Variants in CNTN5 observed in about 807,000 individuals in gnomAD.
CNTN5 encodes contactin-5.
CNTN5 carries 77 observed loss-of-function variants against 129.1 expected under a neutral mutation model. That is an observed-to-expected ratio of 0.60 (90% CI 0.50 to 0.72). The LOEUF (loss-of-function observed/expected upper bound fraction) is 0.72, where lower values mean the gene tolerates loss of function less well. Among genes scored for constraint, CNTN5 ranks in the 30% least tolerant of loss-of-function variants. The pLI is 0.00. For synonymous variants in CNTN5, 509 were observed against 465.6 expected (o/e 1.09, Z -1.20); for missense variants, 1,478 against 1,328.8 (o/e 1.11, Z -1.75).
At chr11:99,501,903 G>A (rs1358639939) in intron 2 of CNTN5, among the ~76,000 whole-genome samples, 2 of 152,128 alleles carry the variant, frequency 1.3e-5, no homozygotes, top group African/African-American at 2.4e-5. Context: ...TAGTGATTCT[G>A]TTATCTTCTT....
chr11:99,804,831 T>C (rs12292737), intron 3 of CNTN5, among the ~76,000 whole-genome samples: 5 of 149,994 alleles, frequency 3.3e-5, no homozygotes, highest in Admixed American at 6.7e-5. Context: ...CTATTTTATA[T>C]GTATATACAT....
chr11:99,488,541 A>G (rs905323611), intron 2 of CNTN5, among the ~76,000 whole-genome samples: 2 of 152,160 alleles, frequency 1.3e-5, no homozygotes, highest in African/African-American at 2.4e-5. Flanking sequence ...AACCACTAGT[A>G]TGGAGGCTAG....
At chr11:99,904,783 C>G (rs1282681248) in intron 6 of CNTN5, among the ~76,000 whole-genome samples, 2 of 152,178 alleles carry the variant, frequency 1.3e-5, no homozygotes, top group African/African-American at 4.8e-5. Context: ...TCCAATTTCT[C>G]CACATCCTCT....
intron 1 of CNTN5, among the ~76,000 whole-genome samples, chr11:99,113,402 T>C (rs1373324199): frequency 6.6e-6 from 1 of 151,898 alleles, no homozygotes; most frequent in Non-Finnish European, 1.5e-5. Flanking sequence ...CAGGTAATGA[T>C]GGAACGCAGT....
intron 2 of CNTN5, among the ~76,000 whole-genome samples, chr11:99,347,245 T>C (rs569776576): frequency 3.9e-5 from 6 of 152,322 alleles, no homozygotes; most frequent in South Asian, 4.1e-4. Flanking sequence ...TGGATAGTTG[T>C]GGATTCTAGG....
chr11:99,480,748 T>C (rs549655841), intron 2 of CNTN5, among the ~76,000 whole-genome samples: 1 of 152,238 alleles, frequency 6.6e-6, no homozygotes, highest in East Asian at 1.9e-4. Context: ...AACTAGCCCC[T>C]AGTGTCTATC....
At position 99,651,364 on chromosome 11, in the gene CNTN5, TA is replaced by T. The variant is rs530416632; in HGVS notation, c.55+95104del. ...AAAATATAAGCAGATGAGAAAAGGTTAAAAAAAAATTCTAAAGGAACAATAT... is the reference window on the plus strand; with the variant it reads ...AAAATATAAGCAGATGAGAAAAGGTTAAAAAAAATTCTAAAGGAACAATAT... On this transcript the variant is annotated intron_variant, in intron 3 of 24. Coordinates refer to ENST00000524871, the MANE Select transcript of CNTN5 (RefSeq NM_014361.4). Among the ~76,000 whole-genome samples, 26 of 151,108 alleles carry T rather than the reference TA, an allele frequency of 1.7e-4. 1 individual carries two copies. Among genetic ancestry groups the T allele is most frequent in the East Asian group, 9.7e-4 (5 of 5,136 alleles).
intron 7 of CNTN5, among the ~76,000 whole-genome samples, chr11:99,922,827 G>T (rs560593168): frequency 6.6e-6 from 1 of 152,100 alleles, no homozygotes; most frequent in African/African-American, 2.4e-5. Context: ...TTCATTAAAC[G>T]CATGTTAAAT....
chr11:99,182,765 A>C (rs1397957375), intron 1 of CNTN5, among the ~76,000 whole-genome samples: 1 of 152,226 alleles, frequency 6.6e-6, no homozygotes, highest in East Asian at 1.9e-4. Context: ...ACATTGTAAC[A>C]GTTTGCTTCA....
At chr11:99,152,053 A>G (rs1860085380) in intron 1 of CNTN5, among the ~76,000 whole-genome samples, 1 of 152,190 alleles carries the variant, frequency 6.6e-6, no homozygotes, top group Non-Finnish European at 1.5e-5. Context: ...TAGTAGGAAT[A>G]TTGATATTGG....
chr11:99,607,013 A>G (rs1157174059), intron 3 of CNTN5, among the ~76,000 whole-genome samples: 21 of 116,658 alleles, frequency 1.8e-4, no homozygotes, highest in Non-Finnish European at 3.7e-4. Context: ...AAACCTAGGC[A>G]TTACCATTCA....
intron 4 of CNTN5, among the ~76,000 whole-genome samples, chr11:99,821,522 A>T (rs73557518): frequency 4.1e-4 from 61 of 150,234 alleles, no homozygotes; most frequent in African/African-American, 1.4e-3. Context: ...TGATTAGACA[A>T]TTTTTTTTTT....
intron 3 of CNTN5, among the ~76,000 whole-genome samples, chr11:99,670,677 G>A (rs1027450869): frequency 6.6e-6 from 1 of 152,116 alleles, no homozygotes; most frequent in Non-Finnish European, 1.5e-5. Flanking sequence ...TCCCACAAAT[G>A]TATCACATAC....
At chr11:100,346,237 T>C (rs1952275817) in intron 23 of CNTN5, among the ~76,000 whole-genome samples, 1 of 152,250 alleles carries the variant, frequency 6.6e-6, no homozygotes, top group Non-Finnish European at 1.5e-5. Context: ...CTATCTAGAA[T>C]CCTTACTAAT....
chr11:100,233,571 C>T (rs945352055), intron 16 of CNTN5, among the ~76,000 whole-genome samples: 1 of 152,208 alleles, frequency 6.6e-6, no homozygotes, highest in Non-Finnish European at 1.5e-5. Context: ...TTAGTAATGA[C>T]TTTCTATGTT....
At chr11:99,791,500 A>G (rs1212887884) in intron 3 of CNTN5, among the ~76,000 whole-genome samples, 3 of 151,898 alleles carry the variant, frequency 2.0e-5, no homozygotes, top group Non-Finnish European at 4.4e-5. Context: ...CTATTCATCT[A>G]TGTGTGTGTA....
At chr11:99,661,698 T>A (rs796815376) in intron 3 of CNTN5, among the ~76,000 whole-genome samples, 3 of 152,178 alleles carry the variant, frequency 2.0e-5, no homozygotes, top group African/African-American at 7.2e-5. Flanking sequence ...TATATACATA[T>A]ACACATATAG....
chr11:99,252,145 C>T (rs1055584043), intron 1 of CNTN5, among the ~76,000 whole-genome samples: 3 of 151,942 alleles, frequency 2.0e-5, no homozygotes, highest in African/African-American at 7.2e-5. Flanking sequence ...TGCACTTATT[C>T]TTCCACTGAT....
intron 2 of CNTN5, among the ~76,000 whole-genome samples, chr11:99,478,511 C>T (rs1565216197): frequency 6.6e-6 from 1 of 152,228 alleles, no homozygotes; most frequent in East Asian, 1.9e-4. Flanking sequence ...TACCCACACT[C>T]AAAGGATGGA....
Sources: gnomAD v4.1 joint callset for allele counts (sites outside exome capture counted in the v4.1 genomes callset) on GRCh38, gnomAD v4.1.1 for gene constraint, MANE v1.5 for transcripts, NCBI Gene and HGNC (gene_info 2026-07-23, HGNC 2026-07-21) for gene names.